HTR1F: variants seen among roughly 807,000 people sequenced by gnomAD.
HTR1F encodes the protein 5-hydroxytryptamine (serotonin) receptor 1F, G protein-coupled.
HTR1F carries 17 observed loss-of-function variants against 24.0 expected under a neutral mutation model. That is an observed-to-expected ratio of 0.71 (90% CI 0.48 to 1.06). The LOEUF (loss-of-function observed/expected upper bound fraction) is 1.06. HTR1F is among the 50% of genes least tolerant of loss of function. The probability of loss-of-function intolerance (pLI) is 0.00; values close to 1 mark genes in which losing one functional copy is unlikely to be tolerated. For synonymous variants in HTR1F, 186 were observed against 156.8 expected, an observed-to-expected ratio of 1.19 and a Z score of -1.39; for missense variants, 391 against 427.8, an observed-to-expected ratio of 0.91 and a Z score of 0.76.
intron 2 of HTR1F, among the ~76,000 whole-genome samples, chr3:87,948,654 C>T (rs1446595908): frequency 6.6e-6 from 1 of 151,740 alleles, no homozygotes; most frequent in Non-Finnish European, 1.5e-5. Context: ...GCTAATTTTG[C>T]TTATTTTTTG....
chr3:87,825,337 AT>A (rs2107135314), intron 2 of HTR1F, among the ~76,000 whole-genome samples: 1 of 152,328 alleles, frequency 6.6e-6, no homozygotes, highest in South Asian at 2.1e-4. Flanking sequence ...TGAGCCTGAA[AT>A]ATATTAATTA....
intron 1 of HTR1F, among the ~76,000 whole-genome samples, chr3:87,810,108 G>A (rs1704136422): frequency 6.6e-6 from 1 of 151,028 alleles, no homozygotes; most frequent in Non-Finnish European, 1.5e-5. Flanking sequence ...CTTTTTTATT[G>A]ACAAATAATT....
chr3:87,920,382 T>TC (rs1451991452), intron 2 of HTR1F, among the ~76,000 whole-genome samples: 1 of 151,626 alleles, frequency 6.6e-6, no homozygotes. Context: ...CACCACCTGT[T>TC]CCCCCAATAA....
intron 2 of HTR1F, among the ~76,000 whole-genome samples, chr3:87,890,986 C>A (rs1376241967): frequency 1.3e-5 from 2 of 151,890 alleles, no homozygotes; most frequent in African/African-American, 4.8e-5. Flanking sequence ...GGATTACAGG[C>A]ACCTGCCACC....
chr3:87,963,547 A>G (rs1367505395), intron 2 of HTR1F, among the ~76,000 whole-genome samples: 6 of 152,136 alleles, frequency 3.9e-5, no homozygotes, highest in African/African-American at 1.4e-4. Flanking sequence ...CAAGATGACA[A>G]TAACTATCCT....
At chr3:87,911,426 A>G (rs1385929804) in intron 2 of HTR1F, among the ~76,000 whole-genome samples, 3 of 152,142 alleles carry the variant, frequency 2.0e-5, no homozygotes, top group Non-Finnish European at 4.4e-5. Context: ...AAAGAAATTG[A>G]TTCCCTGAAT....
intron 2 of HTR1F, among the ~76,000 whole-genome samples, chr3:87,878,393 T>C (rs1705716471): frequency 6.6e-6 from 1 of 152,208 alleles, no homozygotes; most frequent in Non-Finnish European, 1.5e-5. Flanking sequence ...ATGTGTGAAA[T>C]GTCCAATTGA....
intron 2 of HTR1F, among the ~76,000 whole-genome samples, chr3:87,876,408 A>G (rs150311581): frequency 6.3e-4 from 96 of 152,328 alleles, no homozygotes; most frequent in African/African-American, 2.0e-3. Flanking sequence ...AATGTGGTAT[A>G]TTCATACAAG....
chr3:87,970,274 T>C (rs1705257968), intron 2 of HTR1F, among the ~76,000 whole-genome samples: 1 of 152,224 alleles, frequency 6.6e-6, no homozygotes, highest in South Asian at 2.1e-4. Flanking sequence ...AAGTTAAGCA[T>C]GTATCTGAAT....
chr3:87,864,713 TG>T (rs1246853048), intron 2 of HTR1F, among the ~76,000 whole-genome samples: 1 of 151,992 alleles, frequency 6.6e-6, no homozygotes, highest in African/African-American at 2.4e-5. Flanking sequence ...CTGGCCAACA[TG>T]GTGAAACACC....
intron 2 of HTR1F, among the ~76,000 whole-genome samples, chr3:87,900,147 A>AT (rs1329496443): frequency 5.3e-5 from 8 of 152,236 alleles, no homozygotes; most frequent in Non-Finnish European, 1.2e-4. Flanking sequence ...TAGTATTAAT[A>AT]TAAAGAAAAG....
At chr3:87,887,876 G>C (rs1321176814) in intron 2 of HTR1F, among the ~76,000 whole-genome samples, 1 of 151,498 alleles carries the variant, frequency 6.6e-6, no homozygotes, top group African/African-American at 2.4e-5. Context: ...TGGTGGGACT[G>C]TAAACTAGTT....
At chr3:87,870,276 C>A (rs9872903) in intron 2 of HTR1F, among the ~76,000 whole-genome samples, 12,618 of 152,044 alleles carry the variant, frequency 0.083, 1,667 homozygotes, top group African/African-American at 0.28. Context: ...AAGGAATATT[C>A]TCAGGATGGT....
chr3:87,892,974 G>GA (rs1324079505), intron 2 of HTR1F, among the ~76,000 whole-genome samples: 3 of 151,634 alleles, frequency 2.0e-5, no homozygotes, highest in Admixed American at 6.6e-5. Context: ...ACCAAAAAAA[G>GA]AAAAAAATAT....
intron 1 of HTR1F, among the ~76,000 whole-genome samples, chr3:87,800,647 T>C (rs1703976436): frequency 1.3e-5 from 2 of 152,184 alleles, no homozygotes; most frequent in African/African-American, 2.4e-5. Context: ...GAATGAACTG[T>C]AGTGCTCAGC....
intron 2 of HTR1F, among the ~76,000 whole-genome samples, chr3:87,872,677 C>G (rs372792621): frequency 6.6e-6 from 1 of 151,928 alleles, no homozygotes; most frequent in Non-Finnish European, 1.5e-5. Flanking sequence ...ACATTGCCAA[C>G]AAATTGGATA....
chr3:87,846,328 G>A (rs1269436570), intron 2 of HTR1F, among the ~76,000 whole-genome samples: 3 of 151,716 alleles, frequency 2.0e-5, no homozygotes, highest in Non-Finnish European at 4.4e-5. Context: ...CAGCTACTTC[G>A]GAGGCTGAGG....
At chr3:87,882,009 A>G (rs1398464612) in intron 2 of HTR1F, among the ~76,000 whole-genome samples, 10 of 152,358 alleles carry the variant, frequency 6.6e-5, no homozygotes, top group Non-Finnish European at 7.3e-5. Flanking sequence ...AAACAAATTT[A>G]CAAGAAAAAA....
intron 2 of HTR1F, among the ~76,000 whole-genome samples, chr3:87,822,545 CT>C (rs1371386067): frequency 1.3e-5 from 2 of 152,076 alleles, no homozygotes; most frequent in African/African-American, 2.4e-5. Flanking sequence ...TTAATGTTTT[CT>C]TTTATATAAT....
Sources: allele counts gnomAD v4.1 joint callset (sites outside exome capture counted in the v4.1 genomes callset), GRCh38; gene constraint gnomAD v4.1.1; transcripts MANE v1.5; gene names NCBI Gene and HGNC (gene_info 2026-07-23, HGNC 2026-07-21).